PXN: variants seen among roughly 807,000 people sequenced by gnomAD.
PXN encodes testicular tissue protein Li 134.
PXN carries 61 observed loss-of-function variants against 103.6 expected under a neutral mutation model. The ratio of observed to expected loss-of-function variants is 0.59; its 90% CI spans 0.48 to 0.73. The LOEUF (loss-of-function observed/expected upper bound fraction) is 0.73, where lower values mean the gene tolerates loss of function less well. PXN is among the 30% of genes least tolerant of loss of function. PXN has a pLI of 0.00. For synonymous variants in PXN, 562 were observed against 607.8 expected (o/e 0.92, Z 1.11); for missense variants, 1,274 against 1,460.3 (o/e 0.87, Z 2.08).
rs1290189228 is a variant in PXN, at chr12:120,233,845, G to A, written c.14-9468C>T. On this transcript the variant is annotated intron_variant, in intron 1 of 14. Coordinates refer to ENST00000637617, the MANE Select transcript of PXN (RefSeq NM_001385981.1). ...ACTCCCCGCTTCCCTTTTTGCCAGC[G>A]TGCCTTTCTTCACAATACTGAATGT... Among the ~76,000 whole-genome samples, 4 of 151,984 alleles carry A rather than the reference G, an allele frequency of 2.6e-5. No homozygotes were observed. The East Asian group carries it at 5.8e-4, about 22-fold the overall frequency.
At chr12:120,254,446 G>T (rs1428097204) in intron 1 of PXN, among the ~76,000 whole-genome samples, 1 of 152,200 alleles carries the variant, frequency 6.6e-6, no homozygotes, top group Non-Finnish European at 1.5e-5. Context: ...ATGACTGACA[G>T]GTTAATCTGC....
In PXN at chr12:120,214,696, G is replaced by C. The variant is rs1294786852; in HGVS notation, c.2748+129C>G. 2.4e-6 allele frequency: 3 copies of C among 1,254,646 alleles called. No individual in the cohort carries two copies. The highest frequency in any genetic ancestry group is 3.3e-6 in the Non-Finnish European group (3 of 901,500). 77.7% of individuals were successfully genotyped at this position (1,254,646 alleles called of 1,614,324 possible). A position where few individuals can be genotyped will look rare whatever the true frequency, so the allele number is the denominator to read the frequency against. Reference sequence around the variant, plus strand: ...GTGTGGCTGTGAATCCGGCCCCACTGTTCCCTAGCCCTGTGAGCCTCGGGC... The same window carrying C: ...GTGTGGCTGTGAATCCGGCCCCACTCTTCCCTAGCCCTGTGAGCCTCGGGC... On this transcript the variant is annotated intron_variant, in intron 12 of 14. Coordinates refer to ENST00000637617, the MANE Select transcript of PXN (RefSeq NM_001385981.1). This position sits in a 1 kb window ranked among gnomAD's most constrained non-coding sequence, Gnocchi z 5.0.
At chr12:120,251,187 G>A (rs1051257326) in intron 1 of PXN, among the ~76,000 whole-genome samples, 14 of 142,294 alleles carry the variant, frequency 9.8e-5, no homozygotes, top group African/African-American at 2.9e-4. Context: ...CCTGGGCAAC[G>A]GAACGAGACT....
intron 7 of PXN, among the ~76,000 whole-genome samples, chr12:120,218,699 A>T (rs1479139313): frequency 6.6e-6 from 1 of 152,236 alleles, no homozygotes; most frequent in Non-Finnish European, 1.5e-5. Flanking sequence ...TAATTTAAGC[A>T]AAAAGCAAGT....
Position 120,224,824 on chromosome 12 carries a change from G to A in PXN, c.14-447C>T, listed in dbSNP as rs1886386278. 2.3e-6 allele frequency: 1 copy of A among 436,070 alleles called. No homozygotes were observed. Among genetic ancestry groups the A allele is most frequent in the African/African-American group, 2.0e-5 (1 of 49,526 alleles). 27.0% of individuals were successfully genotyped at this position (436,070 alleles called of 1,614,324 possible). On this transcript the variant is annotated intron_variant, in intron 1 of 14. Transcript: ENST00000637617. The surrounding 1 kb of genome is among the most constrained non-coding windows in gnomAD (Gnocchi z 5.0). The stretch of plus-strand genomic sequence containing the variant: ...CCCTCACTTGATTTCTAAGAGCTTA[G>A]GCTTTCCCAGCCCCCGACTGGAAGG...
Position 120,212,794 on chromosome 12 carries a change from A to G in PXN, c.2980-214T>C. The G allele has an allele frequency of 4.1e-6, 2 of 487,852 alleles. No homozygotes were observed. The highest frequency in any genetic ancestry group is 7.0e-6 in the Non-Finnish European group (2 of 284,290). 30.2% of individuals were successfully genotyped at this position (487,852 alleles called of 1,614,324 possible). On this transcript the variant is annotated intron_variant, in intron 14 of 14. Transcript: ENST00000637617. The surrounding 1 kb of genome is among the most constrained non-coding windows in gnomAD (Gnocchi z 7.2). Reference sequence around the variant, plus strand: ...AGATGGGGGTCTCACTATATTGCCCATGCTGGTCAAATGTGGCCTCCTGCA... The same window carrying G: ...AGATGGGGGTCTCACTATATTGCCCGTGCTGGTCAAATGTGGCCTCCTGCA...
chr12:120,261,487 G>C (rs12305146), intron 1 of PXN, among the ~76,000 whole-genome samples: 22,775 of 152,052 alleles, frequency 0.15, 2,028 homozygotes, highest in East Asian at 0.45. Context: ...CACCATGCCC[G>C]GCAGATTTTG....
At chr12:120,223,387 TC>T (rs2136313601) in intron 3 of PXN, among the ~76,000 whole-genome samples, 2 of 149,706 alleles carry the variant, frequency 1.3e-5, no homozygotes, top group African/African-American at 4.9e-5. Flanking sequence ...TGAGCCGAGA[TC>T]GCGCGACTGC....
rs1302336855 is a variant in PXN, at chr12:120,213,627, G to A, written c.2979+215C>T. ...GGGCCGCTGCACAGGGCTGGACTGG[G>A]GGACATGTCTACCTTGCTCCTGGTT... On this transcript the variant is annotated intron_variant, in intron 14 of 14. Transcript: ENST00000637617. The surrounding 1 kb of genome is among the most constrained non-coding windows in gnomAD (Gnocchi z 4.2). Among the ~76,000 whole-genome samples, 1 of 152,206 alleles carries A rather than the reference G, an allele frequency of 6.6e-6. No homozygotes were observed. Among genetic ancestry groups the A allele is most frequent in the African/African-American group, 2.4e-5 (1 of 41,450 alleles).
rs184495521 is a variant in PXN at position 120,225,749 on chromosome 12, A to G, written c.14-1372T>C. Among the ~76,000 whole-genome samples the G allele has an allele frequency of 1.3e-3, 202 of 152,340 alleles. No individual in the cohort carries two copies. Among genetic ancestry groups the G allele is most frequent in the African/African-American group, 4.5e-3 (187 of 41,572 alleles). On this transcript the variant is annotated intron_variant, in intron 1 of 14. Coordinates refer to ENST00000637617, the MANE Select transcript of PXN (RefSeq NM_001385981.1). This position sits in a 1 kb window ranked among gnomAD's most constrained non-coding sequence, Gnocchi z 4.4. ...GGAGGCCCAAGCTGTGAGGCCTGCCAGTGTGATCCTTCCTTGTGGCCTTGC... is the reference window on the plus strand; with the variant it reads ...GGAGGCCCAAGCTGTGAGGCCTGCCGGTGTGATCCTTCCTTGTGGCCTTGC...
At chr12:120,254,231 G>C (rs1199941725) in intron 1 of PXN, among the ~76,000 whole-genome samples, 1 of 152,168 alleles carries the variant, frequency 6.6e-6, no homozygotes, top group Non-Finnish European at 1.5e-5. Context: ...GATCGAGAAT[G>C]AAACAGTGGT....
chr12:120,223,059 G>A, intron 3 of PXN, 60 bp from the exon 4 acceptor site: 1 of 1,611,454 alleles, frequency 6.2e-7, no homozygotes, highest in Non-Finnish European at 8.5e-7. Context: ...TACTGGCTTG[G>A]CAGTTCCCAG....
At chr12:120,258,462 T>C (rs1893361998) in intron 1 of PXN, among the ~76,000 whole-genome samples, 1 of 152,182 alleles carries the variant, frequency 6.6e-6, no homozygotes, top group Admixed American at 6.5e-5. Context: ...CTACTGTCTC[T>C]GCTCACCCAG....
chr12:120,225,948 C>T lies in PXN; in HGVS notation c.14-1571G>A. ...CAGATGGACAGAGGGGATGTCTGTT[C>T]CAAGGCCCAGGACCCCGGGTCTGGT... On this transcript the variant is annotated intron_variant, in intron 1 of 14. Coordinates refer to ENST00000637617, the MANE Select transcript of PXN (RefSeq NM_001385981.1). The surrounding 1 kb of genome is among the most constrained non-coding windows in gnomAD (Gnocchi z 4.4). 1 of 584,426 alleles carries T rather than the reference C, an allele frequency of 1.7e-6. No individual in the cohort carries two copies. The highest frequency in any genetic ancestry group is 2.3e-6 in the Non-Finnish European group (1 of 440,432). 36.2% of individuals were successfully genotyped at this position (584,426 alleles called of 1,614,324 possible).
intron 1 of PXN, among the ~76,000 whole-genome samples, chr12:120,254,038 G>A (rs1384893883): frequency 6.6e-6 from 1 of 152,048 alleles, no homozygotes; most frequent in Non-Finnish European, 1.5e-5. Context: ...GTGCCACCAC[G>A]CTTGGCTAAT....
At chr12:120,230,500 G>A (rs1160267074) in intron 1 of PXN, among the ~76,000 whole-genome samples, 3 of 152,180 alleles carry the variant, frequency 2.0e-5, no homozygotes, top group African/African-American at 7.2e-5. Flanking sequence ...AGTGAGCAGG[G>A]CTTGGCCCTT....
intron 1 of PXN, among the ~76,000 whole-genome samples, chr12:120,230,518 A>T (rs1887790739): frequency 1.3e-5 from 2 of 152,004 alleles, no homozygotes; most frequent in Non-Finnish European, 2.9e-5. Flanking sequence ...CTTCCTAAGG[A>T]AGGAGCTATG....
chr12:120,222,586 G>A lies in PXN; in HGVS notation c.658C>T (p.Leu220Phe). 6.2e-7 allele frequency: 1 copy of A among 1,608,340 alleles called. No individual in the cohort carries two copies. The highest frequency in any genetic ancestry group is 8.5e-7 in the Non-Finnish European group (1 of 1,177,786). The part of the protein sequence containing the change: ...LEDVRPSVES[L>F]LDELESSVPS... Reference sequence around the variant, plus strand: ...ACGGAGCTCTCCAGTTCATCCAAGAGACTCTCCACACTGGGCCGCACGTCC... The same window carrying A: ...ACGGAGCTCTCCAGTTCATCCAAGAAACTCTCCACACTGGGCCGCACGTCC... Residue 220 changes from leucine (L) to phenylalanine (F), a missense_variant, in exon 5 of 15, where the codon CTC becomes TTC. Leu to Phe is a conservative substitution (Grantham distance 22, BLOSUM62 0). Around this residue, in one of 2 missense-constraint regions of PXN, gnomAD observed 1,178 missense variants for 1,309.0 expected, o/e 0.90. Coordinates refer to ENST00000637617, the MANE Select transcript of PXN (RefSeq NM_001385981.1). This position sits in a 1 kb window ranked among gnomAD's most constrained non-coding sequence, Gnocchi z 4.7.
intron 1 of PXN, among the ~76,000 whole-genome samples, chr12:120,254,499 C>T (rs1269549512): frequency 6.6e-6 from 1 of 152,208 alleles, no homozygotes; most frequent in Non-Finnish European, 1.5e-5. Flanking sequence ...TATCCTATGA[C>T]AACATGTTGT....
Sources: allele counts gnomAD v4.1 joint callset (sites outside exome capture counted in the v4.1 genomes callset), GRCh38; gene constraint gnomAD v4.1.1; regional missense constraint gnomAD v4.1.1; non-coding constraint Gnocchi (gnomAD v3.1); transcripts MANE v1.5; gene names NCBI Gene and HGNC (gene_info 2026-07-23, HGNC 2026-07-21).